Variants in NTN1 observed in about 807,000 individuals in gnomAD.
NTN1 encodes the protein netrin 1, also known as netrin-1.
In NTN1, 11 loss-of-function variants were observed where a neutral mutation model predicts 54.2. That is an observed-to-expected ratio of 0.20 (90% CI 0.13 to 0.34). The LOEUF (loss-of-function observed/expected upper bound fraction) is 0.34, where lower values mean the gene tolerates loss of function less well. NTN1 is among the 10% of genes least tolerant of loss of function. The pLI, the probability that NTN1 is intolerant of heterozygous loss-of-function variation, is 1.00. For missense variants in NTN1, 740 were observed against 893.1 expected (o/e 0.83, Z 2.18); for synonymous variants, 371 against 382.0 (o/e 0.97, Z 0.33).
In NTN1 at chr17:9,135,874, G is replaced by A. The variant is rs555994849; in HGVS notation, c.1019-26939G>A. 4.6e-5 allele frequency among the ~76,000 whole-genome samples: 7 copies of A among 152,202 alleles called. No homozygotes were observed. Among genetic ancestry groups the A allele is most frequent in the Non-Finnish European group, 7.4e-5 (5 of 68,012 alleles). On this transcript the variant is annotated intron_variant, in intron 2 of 6. Transcript: ENST00000173229. This position sits in a 1 kb window ranked among gnomAD's most constrained non-coding sequence, Gnocchi z 4.4. ...CCCTGAGCTCCTCTTCACACATGTCGACTGAGCACAGCCCATACTCAGAGG... is the reference window on the plus strand; with the variant it reads ...CCCTGAGCTCCTCTTCACACATGTCAACTGAGCACAGCCCATACTCAGAGG...
At chr17:9,194,805 G>C (rs1904578860) in intron 5 of NTN1, among the ~76,000 whole-genome samples, 1 of 152,190 alleles carries the variant, frequency 6.6e-6, no homozygotes. Flanking sequence ...CTAGTGGGGG[G>C]ACCTGCTCAT....
chr17:9,223,963 G>A (rs1905450796), intron 6 of NTN1, among the ~76,000 whole-genome samples: 1 of 152,196 alleles, frequency 6.6e-6, no homozygotes, highest in South Asian at 2.1e-4. Context: ...ATTTGGTTTG[G>A]TTTTAGTCTC....
intron 2 of NTN1, among the ~76,000 whole-genome samples, chr17:9,134,760 A>G (rs1192108410): frequency 6.6e-6 from 1 of 152,200 alleles, no homozygotes; most frequent in Non-Finnish European, 1.5e-5. Flanking sequence ...CAGTCAGTGC[A>G]TCACAGAGCC....
intron 6 of NTN1, among the ~76,000 whole-genome samples, chr17:9,230,832 C>T (rs565032718): frequency 6.6e-6 from 1 of 152,242 alleles, no homozygotes; most frequent in Non-Finnish European, 1.5e-5. Flanking sequence ...TTGTCTCTCC[C>T]GATGCTGTTT....
rs777951592 is a variant in NTN1, at chr17:9,110,083, G to A, written c.1019-52730G>A. Among the ~76,000 whole-genome samples, 99 of 151,988 alleles carry A rather than the reference G, an allele frequency of 6.5e-4. 2 individuals carry two copies. The highest frequency in any genetic ancestry group is 2.5e-4 in the Non-Finnish European group (17 of 68,006). On this transcript the variant is annotated intron_variant, in intron 2 of 6. Transcript: ENST00000173229. Reference sequence around the variant, plus strand: ...TGTCCTTTTCCCCTGCTGTCCTTTTGTATCCTCTGACCTGATTTTTGCTTC... The same window carrying A: ...TGTCCTTTTCCCCTGCTGTCCTTTTATATCCTCTGACCTGATTTTTGCTTC...
At chr17:9,020,661 G>T (rs1026277973), upstream of NTN1, among the ~76,000 whole-genome samples, 1 of 152,180 alleles carries the variant, frequency 6.6e-6, no homozygotes, top group Admixed American at 6.5e-5. Flanking sequence ...GCTATTACAG[G>T]GCTTTGCACC....
intron 2 of NTN1, among the ~76,000 whole-genome samples, chr17:9,087,048 G>A (rs540825104): frequency 2.0e-5 from 3 of 152,256 alleles, no homozygotes; most frequent in Admixed American, 2.0e-4. Context: ...ACCCTATGAA[G>A]CCAAGTTGTT....
At position 9,240,860 on chromosome 17, in the gene NTN1, A is replaced by G. The variant is rs1290733434; in HGVS notation, c.*892A>G. On this transcript the variant is annotated 3_prime_UTR_variant, in exon 7 of 7. Transcript: ENST00000173229. ...GCTGGAGCTGCCTGTTGGAGGAGGCATCGCAAACGCAAAACCTCCCAGAGA... is the reference window on the plus strand; with the variant it reads ...GCTGGAGCTGCCTGTTGGAGGAGGCGTCGCAAACGCAAAACCTCCCAGAGA... 6.6e-6 allele frequency: 1 copy of G among 152,318 alleles called. No individual in the cohort carries two copies. The highest frequency in any genetic ancestry group is 1.5e-5 in the Non-Finnish European group (1 of 68,068). 9.4% of individuals were successfully genotyped at this position (152,318 alleles called of 1,614,324 possible).
chr17:9,173,345 TC>T (rs1179243171), intron 3 of NTN1: 1 of 152,264 alleles, frequency 6.6e-6, no homozygotes, highest in Non-Finnish European at 1.5e-5. Flanking sequence ...TCATCTTCTC[TC>T]CAGTGTCACC....
intron 6 of NTN1, among the ~76,000 whole-genome samples, chr17:9,229,620 CCA>C (rs145825634): frequency 0.02 from 2,976 of 152,204 alleles, 116 homozygotes; most frequent in African/African-American, 0.068. Context: ...GGAGGAGAGA[CCA>C]CAGAGACATC....
At chr17:9,209,262 C>A (rs1905040497) in intron 5 of NTN1, among the ~76,000 whole-genome samples, 2 of 152,236 alleles carry the variant, frequency 1.3e-5, no homozygotes, top group African/African-American at 4.8e-5. Flanking sequence ...TTCCCTGCAG[C>A]CCTGCTCAGT....
At chr17:9,131,628 TA>T (rs1157385582) in intron 2 of NTN1, among the ~76,000 whole-genome samples, 1 of 151,030 alleles carries the variant, frequency 6.6e-6, no homozygotes, top group Non-Finnish European at 1.5e-5. Context: ...TTGCCCAGGC[TA>T]CTATGCAATG....
intron 2 of NTN1, among the ~76,000 whole-genome samples, chr17:9,093,105 C>T (rs2092118429): frequency 6.6e-6 from 1 of 152,056 alleles, no homozygotes; most frequent in African/African-American, 2.4e-5. Flanking sequence ...GTTGGCCAGG[C>T]CGGTCTTGAA....
intron 5 of NTN1, among the ~76,000 whole-genome samples, chr17:9,184,193 A>C (rs1479660891): frequency 6.6e-6 from 1 of 152,240 alleles, no homozygotes; most frequent in East Asian, 1.9e-4. Context: ...ACAGCCAGCA[A>C]ACAGGAAAGG....
chr17:9,210,906 A>G (rs902061630), intron 5 of NTN1, among the ~76,000 whole-genome samples: 25 of 16,498 alleles, frequency 1.5e-3, no homozygotes, highest in African/African-American at 6.6e-3. Context: ...ACTCCATCTG[A>G]AAAAAAAAAA....
In NTN1 at chr17:9,240,912, C is replaced by G. The variant is rs921230543; in HGVS notation, c.*944C>G. 1 of 152,278 alleles carries G rather than the reference C, an allele frequency of 6.6e-6. No individual in the cohort carries two copies. Among genetic ancestry groups the G allele is most frequent in the Non-Finnish European group, 1.5e-5 (1 of 68,072 alleles). The allele number at this position is 152,278 out of a possible 1,614,324, so 9.4% of individuals were successfully genotyped here. A position where few individuals can be genotyped will look rare whatever the true frequency, so the allele number is the denominator to read the frequency against. On this transcript the variant is annotated 3_prime_UTR_variant, in exon 7 of 7. Transcript: ENST00000173229. ...TTTCCTTTTGGAAACTTGGAACCAGCCCTTTTTATGACGTTTTCCAGGGGG... is the reference window on the plus strand; with the variant it reads ...TTTCCTTTTGGAAACTTGGAACCAGGCCTTTTTATGACGTTTTCCAGGGGG...
chr17:9,027,238 T>C (rs2091874249), intron 2 of NTN1, among the ~76,000 whole-genome samples: 1 of 152,250 alleles, frequency 6.6e-6, no homozygotes, highest in Non-Finnish European at 1.5e-5. Context: ...TTAATAGTCA[T>C]AATAATTATT....
chr17:9,006,075 T>A, the NTN1 span, among the ~76,000 whole-genome samples: 2 of 150,372 alleles, frequency 1.3e-5, no homozygotes, highest in African/African-American at 4.9e-5. Context: ...CCCTTCAGCA[T>A]GCTGGGGTTT....
intron 2 of NTN1, among the ~76,000 whole-genome samples, chr17:9,102,151 G>T (rs1044577695): frequency 1.3e-5 from 2 of 152,214 alleles, no homozygotes; most frequent in Admixed American, 6.5e-5. Flanking sequence ...CTGCTGGCAG[G>T]AGTATAAACA....
Sources: gnomAD v4.1 joint callset for allele counts (sites outside exome capture counted in the v4.1 genomes callset) on GRCh38, gnomAD v4.1.1 for gene constraint, Gnocchi (gnomAD v3.1) non-coding constraint, MANE v1.5 for transcripts, NCBI Gene and HGNC (gene_info 2026-07-23, HGNC 2026-07-21) for gene names.